The following PTPRG variants were observed in gnomAD, a reference collection of about 807,000 sequenced individuals.
PTPRG encodes receptor-type tyrosine-protein phosphatase gamma.
In PTPRG, 102 loss-of-function variants were observed where a neutral mutation model predicts 165.3. That is an observed-to-expected ratio of 0.62 (90% CI 0.53 to 0.73). The LOEUF (loss-of-function observed/expected upper bound fraction) is 0.73, where lower values mean the gene tolerates loss of function less well. Ranked by LOEUF, PTPRG falls within the 30% of genes least tolerant of loss-of-function variation. The pLI, the probability that PTPRG is intolerant of heterozygous loss-of-function variation, is 0.00. For synonymous variants in PTPRG, 675 were observed against 669.5 expected (o/e 1.01, Z -0.13); for missense variants, 1,866 against 1,861.4 (o/e 1.00, Z -0.05).
chr3:61,577,036 A>G (rs1474623639), intron 1 of PTPRG, among the ~76,000 whole-genome samples: 1 of 152,154 alleles, frequency 6.6e-6, no homozygotes, highest in Non-Finnish European at 1.5e-5. Flanking sequence ...AGTTTTTAAA[A>G]CTGTGATTGA....
At position 62,190,269 on chromosome 3, in the gene PTPRG, T is replaced by C. The variant is rs1699774664; in HGVS notation, c.1034-1200T>C. ...CAGATGGAGGCCAGGGATGCTGCTA[T>C]ACAGTACACAGGACAGTCCCCAAGA... is the stretch of plus-strand genomic sequence containing the variant. On this transcript the variant is annotated intron_variant, in intron 8 of 29. Transcript: ENST00000474889. The surrounding 1 kb of genome is among the most constrained non-coding windows in gnomAD (Gnocchi z 5.2). Among the ~76,000 whole-genome samples, 1 of 152,146 alleles carries C rather than the reference T, an allele frequency of 6.6e-6. No homozygotes were observed. Among genetic ancestry groups the C allele is most frequent in the African/African-American group, 2.4e-5 (1 of 41,436 alleles).
rs1298674954 is a variant in PTPRG at position 62,231,822 on chromosome 3, G to GT, written c.2375+523dup. Among the ~76,000 whole-genome samples, 352 of 143,340 alleles carry GT rather than the reference G, an allele frequency of 2.5e-3. 1 individual carries two copies. The highest frequency in any genetic ancestry group is 2.3e-3 in the African/African-American group (89 of 39,118). 94.0% of individuals were successfully genotyped at this position (143,340 alleles called of 152,430 possible). On this transcript the variant is annotated intron_variant, in intron 14 of 29. Transcript: ENST00000474889. ...GTTTTTCCTTAAGAATGGTGAAGTT[G>GT]TTTTTTTTTTTTAAAAAAAGGAAAT...
chr3:61,930,959 C>T (rs1559696208), intron 2 of PTPRG, among the ~76,000 whole-genome samples: 2 of 152,228 alleles, frequency 1.3e-5, no homozygotes, highest in African/African-American at 2.4e-5. Flanking sequence ...CCCAGCTACT[C>T]GGGAAGCAGA....
chr3:62,293,611 C>CT lies in PTPRG; in HGVS notation c.*312dup, dbSNP rs934406523. 14 of 211,870 alleles carry CT rather than the reference C, an allele frequency of 6.6e-5. No individual in the cohort carries two copies. The highest frequency in any genetic ancestry group is 3.6e-4 in the South Asian group (2 of 5,508). The allele number at this position is 211,870 out of a possible 1,614,324, so 13.1% of individuals were successfully genotyped here. ...ACATTCCATGACGACATACATGCTACTTTTTTTTAGTTCAATACAGTGAAG... is the reference window on the plus strand; with the variant it reads ...ACATTCCATGACGACATACATGCTACTTTTTTTTTAGTTCAATACAGTGAAG... On this transcript the variant is annotated 3_prime_UTR_variant, in exon 30 of 30. Transcript: ENST00000474889.
chr3:61,887,157 TATA>T (rs2038069947), intron 2 of PTPRG, among the ~76,000 whole-genome samples: 1 of 87,102 alleles, frequency 1.1e-5, no homozygotes, highest in African/African-American at 3.2e-5. Flanking sequence ...TATATATATA[TATA>T]TATATATATA....
chr3:61,821,309 A>T (rs1168978399), intron 2 of PTPRG, among the ~76,000 whole-genome samples: 1 of 151,924 alleles, frequency 6.6e-6, no homozygotes, highest in East Asian at 1.9e-4. Context: ...AGCTGGGACT[A>T]CAGGCGCCTG....
intron 1 of PTPRG, among the ~76,000 whole-genome samples, chr3:61,703,269 C>T (rs907570246): frequency 1.3e-5 from 2 of 152,052 alleles, no homozygotes; most frequent in East Asian, 1.9e-4. Flanking sequence ...TATCATTTTC[C>T]GACTGATGCC....
At chr3:61,868,047 T>TA (rs2037458326) in intron 2 of PTPRG, among the ~76,000 whole-genome samples, 1 of 152,328 alleles carries the variant, frequency 6.6e-6, no homozygotes, top group Admixed American at 6.5e-5. Flanking sequence ...TTCAGTCTGA[T>TA]ACCTGTAGTC....
At chr3:62,023,895 T>G (rs1180720578) in intron 4 of PTPRG, among the ~76,000 whole-genome samples, 1 of 152,108 alleles carries the variant, frequency 6.6e-6, no homozygotes, top group Non-Finnish European at 1.5e-5. Flanking sequence ...CCTTCAATAA[T>G]GGTGTTATTG....
intron 12 of PTPRG, among the ~76,000 whole-genome samples, chr3:62,207,274 C>T (rs893687647): frequency 1.3e-5 from 2 of 152,206 alleles, no homozygotes; most frequent in East Asian, 1.9e-4. Context: ...CAGAAACAGG[C>T]GATGGGTCTG....
chr3:61,988,546 G>T (rs2040814784), intron 2 of PTPRG, among the ~76,000 whole-genome samples: 1 of 152,210 alleles, frequency 6.6e-6, no homozygotes, highest in African/African-American at 2.4e-5. Flanking sequence ...ATGAGGCTAG[G>T]TATACAGGAG....
In PTPRG at chr3:62,157,220, A is replaced by T. The variant is rs1219838950; in HGVS notation, c.836A>T (p.His279Leu). The T allele has an allele frequency of 3.7e-6, 6 of 1,613,004 alleles. No homozygotes were observed. In the Admixed American group the frequency reaches 1.0e-4, roughly 27 times the overall value. Residue 279 changes from histidine to leucine, a missense_variant, in exon 7 of 30, where the codon CAT becomes CTT. His to Leu is a moderately conservative substitution (Grantham distance 99, BLOSUM62 -3). This residue lies in a region of PTPRG where 408 missense variants were observed against 376.2 expected (regional missense o/e 1.08). Transcript: ENST00000474889. ...CGGAGACCCGTCCCCATCTCTTACC[A>T]TCAGGTAGATATTCTTCCTCAAGTG... is the stretch of plus-strand genomic sequence containing the variant. Reference protein sequence around the residue: ...VFRRPVPISYHQLEAFYSIFT... With the variant: ...VFRRPVPISYLQLEAFYSIFT...
intron 2 of PTPRG, among the ~76,000 whole-genome samples, chr3:61,764,398 GC>G (rs1253729811): frequency 6.6e-6 from 1 of 152,132 alleles, no homozygotes; most frequent in Non-Finnish European, 1.5e-5. Flanking sequence ...CGAGATTAGG[GC>G]TAACTACAAC....
intron 2 of PTPRG, among the ~76,000 whole-genome samples, chr3:61,819,182 T>A (rs187846208): frequency 2.6e-5 from 4 of 152,298 alleles, no homozygotes; most frequent in Non-Finnish European, 5.9e-5. Context: ...ATGTGAACCA[T>A]GAATTTTATA....
At chr3:61,903,566 G>T (rs2038557738) in intron 2 of PTPRG, among the ~76,000 whole-genome samples, 2 of 152,050 alleles carry the variant, frequency 1.3e-5, no homozygotes, top group East Asian at 3.9e-4. Context: ...TAGAGACAGG[G>T]TTTCCCCATG....
intron 2 of PTPRG, among the ~76,000 whole-genome samples, chr3:61,796,360 T>G (rs2035043506): frequency 6.6e-6 from 1 of 152,202 alleles, no homozygotes; most frequent in South Asian, 2.1e-4. Context: ...TGTTTTCCTC[T>G]TACATGACTC....
chr3:61,852,149 G>A (rs2036980716), intron 2 of PTPRG, among the ~76,000 whole-genome samples: 1 of 152,086 alleles, frequency 6.6e-6, no homozygotes, highest in South Asian at 2.1e-4. Context: ...TTCTTTTTAA[G>A]GTGTTTGGAT....
chr3:62,017,783 T>C (rs2041589662), intron 4 of PTPRG, among the ~76,000 whole-genome samples: 1 of 152,158 alleles, frequency 6.6e-6, no homozygotes, highest in Admixed American at 6.5e-5. Flanking sequence ...TTAACAACCA[T>C]TACATCCACA....
chr3:62,241,131 T>G (rs1440115012), intron 14 of PTPRG, among the ~76,000 whole-genome samples: 1 of 152,226 alleles, frequency 6.6e-6, no homozygotes, highest in Admixed American at 6.5e-5. Flanking sequence ...TTCATTTGTC[T>G]TGCCTAATTT....
Sources: allele counts gnomAD v4.1 joint callset (sites outside exome capture counted in the v4.1 genomes callset), GRCh38; gene constraint gnomAD v4.1.1; regional missense constraint gnomAD v4.1.1; non-coding constraint Gnocchi (gnomAD v3.1); transcripts MANE v1.5; gene names NCBI Gene and HGNC (gene_info 2026-07-23, HGNC 2026-07-21).